The following USH2A variants were observed in gnomAD, a reference collection of about 807,000 sequenced individuals.
The protein encoded by USH2A is Usher syndrome 2A (autosomal recessive, mild).
USH2A carries 443 observed loss-of-function variants against 538.9 expected under a neutral mutation model. That is an observed-to-expected ratio of 0.82 (90% CI 0.76 to 0.89). The LOEUF (loss-of-function observed/expected upper bound fraction) is 0.89. USH2A is among the 40% of genes least tolerant of loss of function. The probability of loss-of-function intolerance (pLI) is 0.00; values close to 1 mark genes in which losing one functional copy is unlikely to be tolerated. For missense variants in USH2A, 6,633 were observed against 6,324.8 expected (o/e 1.05, Z -1.65); for synonymous variants, 2,413 against 2,273.5 (o/e 1.06, Z -1.75).
At chr1:215,941,706 A>G (rs952424772) in intron 37 of USH2A, among the ~76,000 whole-genome samples, 2 of 152,120 alleles carry the variant, frequency 1.3e-5, no homozygotes, top group African/African-American at 4.8e-5. Flanking sequence ...TTTGACAACC[A>G]TTATTGATCC....
chr1:216,315,440 G>T (rs1206727497), intron 9 of USH2A, among the ~76,000 whole-genome samples: 2 of 152,156 alleles, frequency 1.3e-5, no homozygotes, highest in African/African-American at 4.8e-5. Context: ...GGTTTCCTGG[G>T]ATTGGGGGTT....
chr1:215,868,035 T>C (rs115250375), intron 43 of USH2A, among the ~76,000 whole-genome samples: 1,525 of 152,214 alleles, frequency 0.01, 23 homozygotes, highest in African/African-American at 0.034. Context: ...TGCTTAAACA[T>C]GTAGTGCAAC....
chr1:216,147,525 T>A (rs892972013), intron 21 of USH2A, among the ~76,000 whole-genome samples: 1 of 152,174 alleles, frequency 6.6e-6, no homozygotes, highest in African/African-American at 2.4e-5. Flanking sequence ...TGAGACACTT[T>A]ACAGCCCTAG....
chr1:216,349,879 A>G (rs2038246559), intron 4 of USH2A, among the ~76,000 whole-genome samples: 1 of 152,190 alleles, frequency 6.6e-6, no homozygotes, highest in African/African-American at 2.4e-5. Flanking sequence ...TCAGTAACAA[A>G]GGATAATGTA....
At chr1:215,640,052 A>G (rs1374508682) in intron 68 of USH2A, among the ~76,000 whole-genome samples, 4 of 152,208 alleles carry the variant, frequency 2.6e-5, no homozygotes, top group Admixed American at 6.5e-5. Context: ...GTAAACAGGA[A>G]GAAGGAACTC....
At chr1:216,168,106 C>T (rs2034205737) in intron 21 of USH2A, among the ~76,000 whole-genome samples, 1 of 152,046 alleles carries the variant, frequency 6.6e-6, no homozygotes, top group South Asian at 2.1e-4. Flanking sequence ...AATAATTCAT[C>T]TTACTAAATC....
intron 64 of USH2A, among the ~76,000 whole-genome samples, chr1:215,657,171 A>T (rs1317436776): frequency 6.6e-6 from 1 of 152,226 alleles, no homozygotes; most frequent in African/African-American, 2.4e-5. Flanking sequence ...TTTGCTTTCC[A>T]GTGCTCAGAA....
At chr1:216,037,703 GT>G (rs1490368223) in intron 32 of USH2A, among the ~76,000 whole-genome samples, 1 of 151,858 alleles carries the variant, frequency 6.6e-6, no homozygotes, top group Non-Finnish European at 1.5e-5. Context: ...TTTATTTTAA[GT>G]TTAGGGGTAC....
intron 71 of USH2A, among the ~76,000 whole-genome samples, chr1:215,628,475 G>T (rs1051764536): frequency 3.9e-5 from 6 of 152,024 alleles, no homozygotes; most frequent in Non-Finnish European, 5.9e-5. Flanking sequence ...TACAGACAGG[G>T]TTTCACCATG....
intron 11 of USH2A, among the ~76,000 whole-genome samples, chr1:216,273,674 G>T (rs1469288001): frequency 2.6e-5 from 4 of 151,926 alleles, no homozygotes; most frequent in Admixed American, 2.6e-4. Context: ...GCAATTAAAT[G>T]CTATATCACT....
chr1:215,703,311 C>T (rs191992799), intron 61 of USH2A, among the ~76,000 whole-genome samples: 3 of 152,326 alleles, frequency 2.0e-5, no homozygotes, highest in Non-Finnish European at 4.4e-5. Context: ...CTTGAGGAGG[C>T]AGTCTGTCCC....
chr1:215,856,082 T>G (rs1045638949), intron 44 of USH2A, among the ~76,000 whole-genome samples: 1 of 152,146 alleles, frequency 6.6e-6, no homozygotes, highest in African/African-American at 2.4e-5. Context: ...CCACAAAAAT[T>G]CTAGAAGATA....
At chr1:216,411,827 C>A (rs1029815639) in intron 3 of USH2A, among the ~76,000 whole-genome samples, 8 of 152,124 alleles carry the variant, frequency 5.3e-5, no homozygotes, top group African/African-American at 1.9e-4. Context: ...AACTCTTCAA[C>A]AATGAATTAA....
At chr1:216,124,545 A>G (rs968108324) in intron 21 of USH2A, among the ~76,000 whole-genome samples, 1 of 152,214 alleles carries the variant, frequency 6.6e-6, no homozygotes, top group African/African-American at 2.4e-5. Context: ...AAGCTCAGCA[A>G]AAACATAGAG....
rs753800541 is a variant in USH2A at position 215,993,087 on chromosome 1, G to T, written c.6738C>A (p.Ala2246=). Residue 2246 remains alanine, a synonymous_variant, in exon 35 of 72, where the codon GCC becomes GCA. Transcript: ENST00000307340. ...CAGGTGAATATGAGTGGGCTTTGGG[G>T]GCTGGCACGCCTTCGGGTATGTCCT... ...TDEDIPEGVP[A]PKAHSYSPDS... The T allele has an allele frequency of 5.6e-6, 9 of 1,614,064 alleles. No individual in the cohort carries two copies. Among genetic ancestry groups the T allele is most frequent in the Non-Finnish European group, 7.6e-6 (9 of 1,179,990 alleles).
intron 15 of USH2A, among the ~76,000 whole-genome samples, chr1:216,208,471 A>G (rs1346335080): frequency 6.6e-6 from 1 of 152,130 alleles, no homozygotes; most frequent in Non-Finnish European, 1.5e-5. Flanking sequence ...TGAAATATCT[A>G]CAGTCACTAG....
chr1:215,929,465 A>T (rs999900631), intron 38 of USH2A, among the ~76,000 whole-genome samples: 3 of 152,074 alleles, frequency 2.0e-5, no homozygotes, highest in African/African-American at 7.2e-5. Context: ...GTATGTCAAC[A>T]TGTTAAGGGG....
intron 26 of USH2A, among the ~76,000 whole-genome samples, chr1:216,081,813 G>A (rs987112984): frequency 4.0e-5 from 6 of 151,818 alleles, no homozygotes; most frequent in East Asian, 1.9e-4. Flanking sequence ...GGCTGGTCTC[G>A]AACTACTGGC....
chr1:216,234,669 T>C (rs1053277687), intron 13 of USH2A, among the ~76,000 whole-genome samples: 1 of 152,134 alleles, frequency 6.6e-6, no homozygotes, highest in African/African-American at 2.4e-5. Context: ...TTAGCACAGA[T>C]ACTTACAAGT....
Sources: gnomAD v4.1 joint callset for allele counts (sites outside exome capture counted in the v4.1 genomes callset) on GRCh38, gnomAD v4.1.1 for gene constraint, MANE v1.5 for transcripts, NCBI Gene and HGNC (gene_info 2026-07-23, HGNC 2026-07-21) for gene names.